Variants in DISC1 observed in about 807,000 individuals in gnomAD.
DISC1 encodes DISC1 scaffold protein, also known as disrupted in schizophrenia 1 protein.
A neutral mutation model predicts 84.5 loss-of-function variants in DISC1; 57 were observed. The observed-to-expected ratio is 0.67, with a 90% CI of 0.55 to 0.84. The LOEUF is 0.84. Ranked by LOEUF, DISC1 falls within the 40% of genes least tolerant of loss-of-function variation. The pLI is 0.00. For missense variants in DISC1, 1,000 were observed against 1,057.8 expected (o/e 0.95, Z 0.76); for synonymous variants, 411 against 415.2 (o/e 0.99, Z 0.12).
At chr1:231,912,742 C>CTTCTTTCTTTCT (rs72513675) in intron 9 of DISC1, among the ~76,000 whole-genome samples, 29 of 132,564 alleles carry the variant, frequency 2.2e-4, no homozygotes, top group South Asian at 8.0e-4. Context: ...GCAGCTTGCT[C>CTTCTTTCTTTCT]TTCTTTCTTT....
intron 10 of DISC1, among the ~76,000 whole-genome samples, chr1:231,978,220 T>TAGAC (rs1269635313): frequency 6.6e-6 from 1 of 152,216 alleles, no homozygotes; most frequent in African/African-American, 2.4e-5. Flanking sequence ...CAATGTCTGT[T>TAGAC]GTCTCCCTCC....
chr1:231,995,803 G>A (rs1459955143), intron 10 of DISC1, among the ~76,000 whole-genome samples: 1 of 151,070 alleles, frequency 6.6e-6, no homozygotes, highest in Non-Finnish European at 1.5e-5. Context: ...ATAAACATAC[G>A]TGTGCATGTG....
intron 9 of DISC1, among the ~76,000 whole-genome samples, chr1:231,913,046 C>T (rs1296613071): frequency 1.3e-5 from 2 of 151,880 alleles, no homozygotes; most frequent in African/African-American, 4.8e-5. Flanking sequence ...TAGCTGGGAC[C>T]ACAGGCACAC....
intron 11 of DISC1, among the ~76,000 whole-genome samples, chr1:232,011,566 G>T (rs1016498330): frequency 6.6e-6 from 1 of 152,148 alleles, no homozygotes; most frequent in Non-Finnish European, 1.5e-5. Flanking sequence ...AAATTATGGG[G>T]CCAGAAAACA....
chr1:231,690,665 TAA>T (rs1454185120), intron 1 of DISC1, among the ~76,000 whole-genome samples: 1 of 151,894 alleles, frequency 6.6e-6, no homozygotes, highest in Non-Finnish European at 1.5e-5. Context: ...CCTCAAAAAA[TAA>T]AAAAGAGGAA....
intron 4 of DISC1, among the ~76,000 whole-genome samples, chr1:231,765,737 A>C (rs1377306284): frequency 6.6e-6 from 1 of 152,236 alleles, no homozygotes; most frequent in Non-Finnish European, 1.5e-5. Flanking sequence ...TTTCACTAGC[A>C]TCACTGTCAC....
intron 10 of DISC1, among the ~76,000 whole-genome samples, chr1:231,967,886 C>G (rs937501249): frequency 6.6e-6 from 1 of 151,648 alleles, no homozygotes; most frequent in Non-Finnish European, 1.5e-5. Context: ...AACAAAATGG[C>G]GTGAATTAAA....
chr1:231,921,132 T>C (rs1162334404), intron 9 of DISC1, among the ~76,000 whole-genome samples: 1 of 151,776 alleles, frequency 6.6e-6, no homozygotes, highest in Non-Finnish European at 1.5e-5. Flanking sequence ...GCCAGGGTAG[T>C]CTCAATCTCC....
intron 10 of DISC1, among the ~76,000 whole-genome samples, chr1:231,986,999 G>T (rs970090052): frequency 6.6e-6 from 1 of 152,158 alleles, no homozygotes; most frequent in Non-Finnish European, 1.5e-5. Flanking sequence ...TTTGGCAACA[G>T]GGTAATTACT....
chr1:231,943,185 G>C (rs140955055), intron 9 of DISC1, among the ~76,000 whole-genome samples: 72 of 152,378 alleles, frequency 4.7e-4, no homozygotes, highest in African/African-American at 1.7e-3. Flanking sequence ...GCTTTAAAAT[G>C]TATTATTCAG....
intron 9 of DISC1, among the ~76,000 whole-genome samples, chr1:231,819,463 G>A (rs2081330677): frequency 1.3e-5 from 2 of 152,086 alleles, no homozygotes; most frequent in Admixed American, 1.3e-4. Flanking sequence ...TGTAGAGAGA[G>A]GTTTCTTCAT....
intron 10 of DISC1, among the ~76,000 whole-genome samples, chr1:231,999,813 AAACAACAAC>A (rs71162205): frequency 7.5e-4 from 113 of 150,560 alleles, no homozygotes; most frequent in South Asian, 3.4e-3. Flanking sequence ...TCAAGCAGAA[AAACAACAAC>A]AACAACAACA....
intron 9 of DISC1, among the ~76,000 whole-genome samples, chr1:231,957,434 G>C (rs1323985827): frequency 1.3e-5 from 2 of 151,604 alleles, no homozygotes; most frequent in African/African-American, 4.9e-5. Context: ...GAATTTTTAT[G>C]TTTATTCTTT....
intron 10 of DISC1, among the ~76,000 whole-genome samples, chr1:231,978,838 G>A (rs1195726111): frequency 1.3e-5 from 2 of 152,124 alleles, no homozygotes; most frequent in Non-Finnish European, 2.9e-5. Flanking sequence ...AGTAGGAAAC[G>A]GTATTTAGAG....
At chr1:231,923,765 G>T (rs2090156732) in intron 9 of DISC1, among the ~76,000 whole-genome samples, 1 of 152,242 alleles carries the variant, frequency 6.6e-6, no homozygotes, top group Admixed American at 6.5e-5. Context: ...GATGCTGAAA[G>T]TTAGCGCTGT....
rs1349725005 is a variant in DISC1, at chr1:232,009,797, G to A, written c.2307+748G>A. On this transcript the variant is annotated intron_variant, in intron 11 of 12. Coordinates refer to ENST00000439617, the MANE Select transcript of DISC1 (RefSeq NM_018662.3). The surrounding 1 kb of genome is among the most constrained non-coding windows in gnomAD (Gnocchi z 4.6). ...CAGTGCCATGACCTGAGTCTTCAGA[G>A]CTCTTTGTTGGCCCAGGTTCACAGG... 3 of 176,492 alleles carry A rather than the reference G, an allele frequency of 1.7e-5. No homozygotes were observed. Among genetic ancestry groups the A allele is most frequent in the East Asian group, 3.8e-4 (2 of 5,308 alleles). The allele number at this position is 176,492 out of a possible 1,614,324, so 10.9% of individuals were successfully genotyped here.
chr1:231,878,737 C>G (rs1574377459), intron 9 of DISC1, among the ~76,000 whole-genome samples: 1 of 152,132 alleles, frequency 6.6e-6, no homozygotes, highest in African/African-American at 2.4e-5. Context: ...ACCAAATCAA[C>G]AAGCAGAACA....
intron 9 of DISC1, among the ~76,000 whole-genome samples, chr1:231,877,563 G>T (rs549615774): frequency 1.3e-5 from 2 of 152,270 alleles, no homozygotes; most frequent in African/African-American, 4.8e-5. Context: ...TCCTATTTCT[G>T]GTTCTTACTA....
intron 3 of DISC1, among the ~76,000 whole-genome samples, chr1:231,716,316 C>CAAAAAAAAAAAA (rs397861600): frequency 1.2e-5 from 1 of 82,760 alleles, no homozygotes. Flanking sequence ...TTTCAATCTG[C>CAAAAAAAAAAAA]AAAAAAAAAA....
Sources: allele counts gnomAD v4.1 joint callset (sites outside exome capture counted in the v4.1 genomes callset), GRCh38; gene constraint gnomAD v4.1.1; non-coding constraint Gnocchi (gnomAD v3.1); transcripts MANE v1.5; gene names NCBI Gene and HGNC (gene_info 2026-07-23, HGNC 2026-07-21).